Variants in DTNA observed in about 807,000 individuals in gnomAD.
The protein encoded by DTNA is dystrobrevin alpha.
A neutral mutation model predicts 100.7 loss-of-function variants in DTNA; 43 were observed. The ratio of observed to expected loss-of-function variants is 0.43; its 90% CI spans 0.33 to 0.55. The LOEUF (loss-of-function observed/expected upper bound fraction) is 0.55. Among genes scored for constraint, DTNA ranks in the 20% least tolerant of loss-of-function variants. DTNA has a pLI of 0.04. For missense variants in DTNA, 798 were observed against 953.9 expected (o/e 0.84, Z 2.15); for synonymous variants, 349 against 347.9 (o/e 1.00, Z -0.04).
intron 1 of DTNA, among the ~76,000 whole-genome samples, chr18:34,740,465 T>C (rs556193121): frequency 6.6e-6 from 1 of 152,242 alleles, no homozygotes; most frequent in East Asian, 1.9e-4. Flanking sequence ...ACACTGAAGC[T>C]GGAATCTGGA....
At chr18:34,715,751 T>C (rs1412098246) in intron 1 of DTNA, among the ~76,000 whole-genome samples, 1 of 152,126 alleles carries the variant, frequency 6.6e-6, no homozygotes, top group African/African-American at 2.4e-5. Flanking sequence ...GAATATGTTA[T>C]ATACAAAATT....
intron 1 of DTNA, among the ~76,000 whole-genome samples, chr18:34,649,195 G>C (rs1194642034): frequency 1.3e-5 from 2 of 152,124 alleles, no homozygotes; most frequent in African/African-American, 4.8e-5. Flanking sequence ...ATCTCTGTCT[G>C]TATTTATCAT....
At chr18:34,868,839 T>C (rs985404073) in intron 17 of DTNA, 1 of 883,236 alleles carries the variant, frequency 1.1e-6, no homozygotes, top group Non-Finnish European at 1.4e-6. Context: ...CTCTTTCTTC[T>C]TTGTGTATCT....
At chr18:34,584,163 A>T (rs12963609) in intron 1 of DTNA, among the ~76,000 whole-genome samples, 16,043 of 152,132 alleles carry the variant, frequency 0.11, 1,248 homozygotes, top group African/African-American at 0.21. Context: ...AATCTTGCTA[A>T]TCTTGAGGGC....
At chr18:34,676,509 G>A (rs754792611) in intron 1 of DTNA, among the ~76,000 whole-genome samples, 11 of 152,034 alleles carry the variant, frequency 7.2e-5, no homozygotes, top group Non-Finnish European at 1.0e-4. Context: ...TAGAATTTAC[G>A]TTAGCTGACC....
At chr18:34,731,155 G>C (rs2088047116) in intron 1 of DTNA, among the ~76,000 whole-genome samples, 2 of 152,204 alleles carry the variant, frequency 1.3e-5, no homozygotes. Flanking sequence ...GTTATCTTTT[G>C]AAAATGGTGA....
chr18:34,890,615 G>A lies in DTNA; in HGVS notation c.*2881G>A. On this transcript the variant is annotated 3_prime_UTR_variant, in exon 23 of 23. Coordinates refer to ENST00000444659, the MANE Select transcript of DTNA (RefSeq NM_001386795.1). ...CCTCCTCCACAGCGCCATATTAATGGAGGAGGGGAGGAAGGTGAAATCTAC... is the reference window on the plus strand; with the variant it reads ...CCTCCTCCACAGCGCCATATTAATGAAGGAGGGGAGGAAGGTGAAATCTAC... 1 of 990,464 alleles carries A rather than the reference G, an allele frequency of 1.0e-6. No homozygotes were observed. The highest frequency in any genetic ancestry group is 1.4e-6 in the Non-Finnish European group (1 of 695,862). 61.4% of individuals were successfully genotyped at this position (990,464 alleles called of 1,614,324 possible).
chr18:34,813,453 A>G (rs1453998119), intron 6 of DTNA, among the ~76,000 whole-genome samples: 1 of 151,770 alleles, frequency 6.6e-6, no homozygotes, highest in Non-Finnish European at 1.5e-5. Context: ...CAAAAAAAAA[A>G]AAAAAGGTAT....
chr18:34,736,070 T>C (rs1212682650), intron 1 of DTNA, among the ~76,000 whole-genome samples: 2 of 152,214 alleles, frequency 1.3e-5, no homozygotes, highest in African/African-American at 4.8e-5. Context: ...AGGACGTCTA[T>C]ACCATGAAGT....
intron 1 of DTNA, among the ~76,000 whole-genome samples, chr18:34,590,802 G>A (rs930021532): frequency 3.9e-5 from 6 of 152,138 alleles, no homozygotes; most frequent in East Asian, 1.9e-4. Flanking sequence ...ATTTACTCAC[G>A]ATAAAGACTG....
At chr18:34,537,846 A>G (rs974665258) in intron 1 of DTNA, among the ~76,000 whole-genome samples, 8 of 152,042 alleles carry the variant, frequency 5.3e-5, no homozygotes. Flanking sequence ...ATGAAATGTT[A>G]TACACTTGAA....
At chr18:34,841,072 C>T (rs2096259615) in intron 13 of DTNA, among the ~76,000 whole-genome samples, 2 of 149,896 alleles carry the variant, frequency 1.3e-5, no homozygotes, top group African/African-American at 4.8e-5. Flanking sequence ...TACATAATTT[C>T]TCCTAGTCCT....
At chr18:34,498,441 A>ATAT (rs1491348961) in intron 1 of DTNA, among the ~76,000 whole-genome samples, 33 of 67,556 alleles carry the variant, frequency 4.9e-4, no homozygotes, top group Admixed American at 3.5e-3. Context: ...TCAGAAAATA[A>ATAT]TATAATAATA....
chr18:34,534,046 A>G (rs539142010), intron 1 of DTNA, among the ~76,000 whole-genome samples: 1 of 152,196 alleles, frequency 6.6e-6, no homozygotes, highest in Admixed American at 6.5e-5. Flanking sequence ...AACAGAAGGG[A>G]CTTCAAAAAT....
chr18:34,851,125 A>C (rs941517192), intron 14 of DTNA, among the ~76,000 whole-genome samples: 7 of 152,188 alleles, frequency 4.6e-5, no homozygotes, highest in Non-Finnish European at 7.3e-5. Flanking sequence ...TTTTTGTGAG[A>C]TGGAATCTCG....
intron 1 of DTNA, among the ~76,000 whole-genome samples, chr18:34,643,330 A>G (rs886636745): frequency 2.0e-5 from 3 of 152,272 alleles, no homozygotes; most frequent in African/African-American, 7.2e-5. Flanking sequence ...TTTCAAAATT[A>G]ACACTCATTA....
chr18:34,623,508 A>G (rs754323407), intron 1 of DTNA, among the ~76,000 whole-genome samples: 3 of 152,190 alleles, frequency 2.0e-5, no homozygotes, highest in Non-Finnish European at 4.4e-5. Flanking sequence ...GTTTTCACCA[A>G]TTAGTTTCAG....
chr18:34,627,907 G>A (rs1317885807), intron 1 of DTNA, among the ~76,000 whole-genome samples: 1 of 152,014 alleles, frequency 6.6e-6, no homozygotes, highest in African/African-American at 2.4e-5. Flanking sequence ...GAATTCCATG[G>A]TACACCCTTC....
At chr18:34,717,385 G>A (rs930507863) in intron 1 of DTNA, among the ~76,000 whole-genome samples, 10 of 152,184 alleles carry the variant, frequency 6.6e-5, no homozygotes, top group African/African-American at 2.4e-4. Flanking sequence ...AAATTCGGAT[G>A]ATATAGATAG....
Sources: gnomAD v4.1 joint callset for allele counts (sites outside exome capture counted in the v4.1 genomes callset) on GRCh38, gnomAD v4.1.1 for gene constraint, MANE v1.5 for transcripts, NCBI Gene and HGNC (gene_info 2026-07-23, HGNC 2026-07-21) for gene names.